ZFHX3: variants seen among roughly 807,000 people sequenced by gnomAD.
ZFHX3 encodes zinc finger homeobox protein 3.
A neutral mutation model predicts 279.1 loss-of-function variants in ZFHX3; 42 were observed. The observed-to-expected ratio is 0.15, with a 90% CI of 0.12 to 0.19. The LOEUF is 0.19. Among genes scored for constraint, ZFHX3 ranks in the 10% least tolerant of loss-of-function variants. The probability of loss-of-function intolerance (pLI) is 1.00; values close to 1 mark genes in which losing one functional copy is unlikely to be tolerated. For missense variants in ZFHX3, 4,981 were observed against 4,754.0 expected (o/e 1.05, Z -1.40); for synonymous variants, 2,293 against 1,957.8 (o/e 1.17, Z -4.52).
At chr16:73,439,829 A>C (rs112809209) in intron 3 of ZFHX3, among the ~76,000 whole-genome samples, 35 of 145,438 alleles carry the variant, frequency 2.4e-4, no homozygotes, top group African/African-American at 7.6e-4. Context: ...CACATGTGGC[A>C]TATTTGCCTT....
chr16:72,932,880 G>A (rs995264214), intron 3 of ZFHX3, among the ~76,000 whole-genome samples: 11 of 152,076 alleles, frequency 7.2e-5, no homozygotes, highest in African/African-American at 2.7e-4. Flanking sequence ...TAAGTCATTC[G>A]AGAGTCCTAT....
chr16:72,900,698 G>A (rs548989626), intron 3 of ZFHX3, among the ~76,000 whole-genome samples: 3 of 152,294 alleles, frequency 2.0e-5, no homozygotes, highest in South Asian at 4.1e-4. Context: ...GGCATGCTAC[G>A]CCCTAGATCG....
intron 1 of ZFHX3, among the ~76,000 whole-genome samples, chr16:72,980,032 G>A (rs79740577): frequency 0.014 from 2,075 of 152,300 alleles, 50 homozygotes; most frequent in African/African-American, 0.047. Context: ...CCTATTTCCC[G>A]GATCTCTTTG....
intron 3 of ZFHX3, among the ~76,000 whole-genome samples, chr16:73,390,325 G>C (rs1412867844): frequency 6.6e-6 from 1 of 152,106 alleles, no homozygotes; most frequent in East Asian, 1.9e-4. Context: ...ATGGTGCTGA[G>C]AGTTCACCAG....
chr16:73,466,759 C>G (rs1259120396), intron 2 of ZFHX3, among the ~76,000 whole-genome samples: 1 of 152,138 alleles, frequency 6.6e-6, no homozygotes, highest in Non-Finnish European at 1.5e-5. Context: ...TACTAGAAAG[C>G]TCAGGGACCT....
intron 1 of ZFHX3, among the ~76,000 whole-genome samples, chr16:72,977,100 T>C (rs1192967621): frequency 6.6e-6 from 1 of 152,228 alleles, no homozygotes; most frequent in Non-Finnish European, 1.5e-5. Context: ...TCCTTTGATG[T>C]CGAGTTGACA....
intron 2 of ZFHX3, among the ~76,000 whole-genome samples, chr16:73,600,943 C>T (rs1446658652): frequency 2.6e-5 from 4 of 151,920 alleles, no homozygotes; most frequent in Admixed American, 2.6e-4. Context: ...TAACGCCCTG[C>T]CCAAAGCAGG....
At chr16:73,617,996 T>G (rs1408158731) in intron 2 of ZFHX3, among the ~76,000 whole-genome samples, 1 of 152,186 alleles carries the variant, frequency 6.6e-6, no homozygotes, top group Non-Finnish European at 1.5e-5. Flanking sequence ...TAGAGCCACT[T>G]CTTTCTACAT....
At chr16:73,601,497 C>T (rs1241397402) in intron 2 of ZFHX3, among the ~76,000 whole-genome samples, 1 of 151,594 alleles carries the variant, frequency 6.6e-6, no homozygotes, top group Non-Finnish European at 1.5e-5. Flanking sequence ...TTGTTTGGCG[C>T]TCTATTTTAA....
At chr16:73,010,426 T>C (rs1474215105) in intron 1 of ZFHX3, among the ~76,000 whole-genome samples, 1 of 152,200 alleles carries the variant, frequency 6.6e-6, no homozygotes, top group Admixed American at 6.5e-5. Flanking sequence ...AGTGTAAAAG[T>C]GCAAAGGGGA....
chr16:73,684,695 CTTTTTTTTTTTTT>C (rs201167110), intron 1 of ZFHX3, among the ~76,000 whole-genome samples: 15 of 137,484 alleles, frequency 1.1e-4, no homozygotes, highest in East Asian at 2.1e-4. Flanking sequence ...CACAAGGGTC[CTTTTTTTTTTTTT>C]TTTTTTTTTG....
At chr16:72,860,934 T>C (rs886734165) in intron 4 of ZFHX3, among the ~76,000 whole-genome samples, 7 of 152,234 alleles carry the variant, frequency 4.6e-5, no homozygotes, top group African/African-American at 1.7e-4. Context: ...ATTTTTTGTG[T>C]GCACAACGGT....
At chr16:72,996,507 T>C (rs1401611734) in intron 1 of ZFHX3, among the ~76,000 whole-genome samples, 2 of 152,226 alleles carry the variant, frequency 1.3e-5, no homozygotes, top group Non-Finnish European at 2.9e-5. Context: ...CCCATGCAGT[T>C]ATCCAGACAT....
At chr16:73,234,081 G>A (rs893061329) in intron 5 of ZFHX3, 1 of 152,522 alleles carries the variant, frequency 6.6e-6, no homozygotes, top group Non-Finnish European at 1.5e-5. Context: ...GCAAATGTGT[G>A]CTTGTATGAG....
chr16:73,315,969 TC>T (rs1354055416), intron 4 of ZFHX3, among the ~76,000 whole-genome samples: 1 of 152,184 alleles, frequency 6.6e-6, no homozygotes. Flanking sequence ...ATCAGCCTCC[TC>T]GTCCTGCCTG....
At chr16:72,879,898 A>G (rs1248792386) in intron 4 of ZFHX3, among the ~76,000 whole-genome samples, 1 of 152,178 alleles carries the variant, frequency 6.6e-6, no homozygotes, top group East Asian at 1.9e-4. Context: ...GCCAGCAAGA[A>G]GGTTTCGGTG....
intron 1 of ZFHX3, among the ~76,000 whole-genome samples, chr16:73,834,114 C>A (rs1961073962): frequency 6.6e-6 from 1 of 152,038 alleles, no homozygotes; most frequent in Non-Finnish European, 1.5e-5. Context: ...CCAAGGTGAG[C>A]CTCTACGAGT....
At chr16:73,059,986 C>T (rs370431734), upstream of ZFHX3, among the ~76,000 whole-genome samples, 138 of 152,164 alleles carry the variant, frequency 9.1e-4, 1 homozygote, top group South Asian at 0.028. Flanking sequence ...GAAACAAGTC[C>T]AACTTTCTAC....
chr16:72,940,978 C>G (rs999353818), intron 3 of ZFHX3, among the ~76,000 whole-genome samples: 1 of 152,258 alleles, frequency 6.6e-6, no homozygotes, highest in African/African-American at 2.4e-5. Flanking sequence ...GGGTCTCCCA[C>G]GCACTGTGAG....
Sources: gnomAD v4.1 joint callset for allele counts (sites outside exome capture counted in the v4.1 genomes callset) on GRCh38, gnomAD v4.1.1 for gene constraint, MANE v1.5 for transcripts, NCBI Gene and HGNC (gene_info 2026-07-23, HGNC 2026-07-21) for gene names.